Variants in NUDCD1 observed in about 807,000 individuals in gnomAD.
NUDCD1 encodes nudC domain-containing protein 1.
A neutral mutation model predicts 67.8 loss-of-function variants in NUDCD1; 60 were observed. The observed-to-expected ratio is 0.88, with a 90% CI of 0.72 to 1.10. NUDCD1 has a LOEUF of 1.10. NUDCD1 is among the 50% of genes least tolerant of loss of function. The pLI is 0.00. For missense variants in NUDCD1, 643 were observed against 695.0 expected, an observed-to-expected ratio of 0.93 and a Z score of 0.84; for synonymous variants, 244 against 230.8, an observed-to-expected ratio of 1.06 and a Z score of -0.52.
At chr8:109,278,887 A>G (rs549776683) in intron 6 of NUDCD1, among the ~76,000 whole-genome samples, 7 of 152,242 alleles carry the variant, frequency 4.6e-5, no homozygotes, top group Non-Finnish European at 7.4e-5. Flanking sequence ...GTTTTTTAAC[A>G]TATATTTTCA....
At chr8:109,325,097 T>C (rs545824486) in intron 1 of NUDCD1, among the ~76,000 whole-genome samples, 2 of 150,740 alleles carry the variant, frequency 1.3e-5, no homozygotes, top group South Asian at 2.1e-4. Context: ...CAAAAATAAA[T>C]AAATAAAATA....
At chr8:109,319,255 G>A (rs1554617868) in intron 2 of NUDCD1, among the ~76,000 whole-genome samples, 1 of 152,152 alleles carries the variant, frequency 6.6e-6, no homozygotes, top group East Asian at 1.9e-4. Context: ...TTACAGGCGT[G>A]AGCCACCGCG....
intron 6 of NUDCD1, among the ~76,000 whole-genome samples, chr8:109,277,549 T>C (rs144908078): frequency 3.9e-5 from 6 of 152,286 alleles, no homozygotes; most frequent in African/African-American, 1.4e-4. Context: ...ACAGTAACTT[T>C]TGAAAACGAG....
intron 7 of NUDCD1, among the ~76,000 whole-genome samples, chr8:109,272,635 C>T (rs1814184280): frequency 6.6e-6 from 1 of 152,058 alleles, no homozygotes; most frequent in Non-Finnish European, 1.5e-5. Context: ...AATGTGTAAA[C>T]ATCTAGTTTG....
intron 1 of NUDCD1, among the ~76,000 whole-genome samples, chr8:109,326,809 A>G (rs566079317): frequency 6.6e-6 from 1 of 152,300 alleles, no homozygotes; most frequent in Non-Finnish European, 1.5e-5. Context: ...TTTATTGAAT[A>G]TCTACTATAT....
At chr8:109,296,279 A>G (rs1201039867) in intron 3 of NUDCD1, 105 bp downstream of exon 3, 2 of 873,688 alleles carry the variant, frequency 2.3e-6, no homozygotes, top group Non-Finnish European at 3.7e-6. Flanking sequence ...CAAACAAACA[A>G]CAGATCACAT....
At chr8:109,330,753 T>C (rs1243827772) in intron 1 of NUDCD1, among the ~76,000 whole-genome samples, 1 of 152,178 alleles carries the variant, frequency 6.6e-6, no homozygotes, top group Non-Finnish European at 1.5e-5. Flanking sequence ...TGGAAGGAGC[T>C]GGAAGCCACT....
At chr8:109,262,451 G>A (rs1288156283) in intron 8 of NUDCD1, among the ~76,000 whole-genome samples, 1 of 152,188 alleles carries the variant, frequency 6.6e-6, no homozygotes, top group Non-Finnish European at 1.5e-5. Flanking sequence ...ACAGCAGCCA[G>A]AATCCCCTCA....
chr8:109,245,373 A>C lies in NUDCD1; in HGVS notation c.1408T>G (p.Ser470Ala). The C allele has an allele frequency of 6.2e-7, 1 of 1,613,964 alleles. No individual in the cohort carries two copies. Among genetic ancestry groups the C allele is most frequent in the South Asian group, 1.1e-5 (1 of 91,062 alleles). The change falls in exon 9 of 10, where the codon TCC (serine) becomes GCC (alanine). Residue 470 changes from serine to alanine, a missense_variant. Physicochemically the swap from Ser to Ala is moderately conservative, Grantham distance 99. Transcript: ENST00000239690. ...TCCCACATATCATCTTGTTTGCTGG[A>C]GTGTGGTTGCCAGAGTAGGGCATCA... The part of the protein sequence containing the change: ...DVDALLWQPH[S>A]SKQDDMWEHI...
At chr8:109,283,230 C>A (rs992862669) in intron 5 of NUDCD1, among the ~76,000 whole-genome samples, 1 of 151,950 alleles carries the variant, frequency 6.6e-6, no homozygotes, top group African/African-American at 2.4e-5. Flanking sequence ...CAAACTAGTC[C>A]AGCTAGACAA....
Position 109,334,001 on chromosome 8 carries a change from C to T in NUDCD1, c.10G>A (p.Ala4Thr), listed in dbSNP as rs1815885891. 6.2e-7 allele frequency: 1 copy of T among 1,614,074 alleles called. No individual in the cohort carries two copies. The change falls in exon 1 of 10, where the codon GCG (alanine) becomes ACG (threonine). Residue 4 changes from alanine to threonine, a missense_variant. Transcript: ENST00000239690. ...TTCACCCGTAGGGAGCAATTAGCCG[C>T]CACCTCCATCGCTTTCCAGGGCCGC... MEV[A>T]ANCSLRVKRP...
intron 5 of NUDCD1, among the ~76,000 whole-genome samples, chr8:109,287,835 A>G (rs1275678612): frequency 6.6e-6 from 1 of 152,196 alleles, no homozygotes; most frequent in Non-Finnish European, 1.5e-5. Context: ...GATGTAGACT[A>G]AAGGTAAAGT....
chr8:109,301,994 C>T (rs190784670), intron 2 of NUDCD1, among the ~76,000 whole-genome samples: 94 of 152,286 alleles, frequency 6.2e-4, no homozygotes, highest in Middle Eastern at 6.8e-3. Context: ...CATTGCAGCC[C>T]AGGGCTGCTC....
At chr8:109,313,346 A>C (rs549404487) in intron 2 of NUDCD1, among the ~76,000 whole-genome samples, 1 of 152,270 alleles carries the variant, frequency 6.6e-6, no homozygotes, top group Non-Finnish European at 1.5e-5. Context: ...TAAAATACTG[A>C]TTTTTTAAAA....
intron 8 of NUDCD1, among the ~76,000 whole-genome samples, chr8:109,251,182 C>CTTTTTTTTTTTTTCT (rs60556601): frequency 7.7e-6 from 1 of 130,520 alleles, no homozygotes; most frequent in Admixed American, 7.6e-5. Flanking sequence ...TTTTTTTTTT[C>CTTTTTTTTTTTTTCT]TTTTTTTTTT....
chr8:109,252,577 C>CT lies in NUDCD1; in HGVS notation c.1300-7097dup, dbSNP rs1202317218. 2.0e-5 allele frequency among the ~76,000 whole-genome samples: 3 copies of CT among 152,302 alleles called. No individual in the cohort carries two copies. In the East Asian group the frequency reaches 5.8e-4, roughly 29 times the overall value. Reference sequence around the variant, plus strand: ...CTCGCCAAGGTCCATAAAGAAGATCCTTTAAGTGTGAGCAACTTCCCTTGT... The same window carrying CT: ...CTCGCCAAGGTCCATAAAGAAGATCCTTTTAAGTGTGAGCAACTTCCCTTGT... On this transcript the variant is annotated intron_variant, in intron 8 of 9. Transcript: ENST00000239690.
intron 8 of NUDCD1, among the ~76,000 whole-genome samples, chr8:109,264,513 C>T (rs911901392): frequency 2.0e-5 from 3 of 152,052 alleles, no homozygotes; most frequent in African/African-American, 7.2e-5. Flanking sequence ...GCAATATTTC[C>T]AAGTTATCGT....
Position 109,322,345 on chromosome 8 carries a change from A to G in NUDCD1, c.237T>C (p.Asp79=). ...TTAAATTCATAATTCTTCCAAGGGT[A>G]TCAATATAGTAGACACTGTCTTGAT... The part of the protein sequence containing the change: ...SWYQDSVYYI[D]TLGRIMNLTV... Residue 79 remains aspartate (D), a synonymous_variant, in exon 2 of 10, where the codon GAT becomes GAC. Transcript: ENST00000239690. 2 of 1,565,118 alleles carry G rather than the reference A, an allele frequency of 1.3e-6. No homozygotes were observed. Among genetic ancestry groups the G allele is most frequent in the Non-Finnish European group, 1.8e-6 (2 of 1,140,112 alleles).
chr8:109,304,644 C>T (rs887161056), intron 2 of NUDCD1, among the ~76,000 whole-genome samples: 4 of 152,184 alleles, frequency 2.6e-5, no homozygotes, highest in African/African-American at 4.8e-5. Context: ...TTCCTCTCTA[C>T]GTAAGGGTCC....
Sources: allele counts gnomAD v4.1 joint callset (sites outside exome capture counted in the v4.1 genomes callset), GRCh38; gene constraint gnomAD v4.1.1; transcripts MANE v1.5; gene names NCBI Gene and HGNC (gene_info 2026-07-23, HGNC 2026-07-21).